The following MTUS2 variants were observed in gnomAD, a reference collection of about 807,000 sequenced individuals.
The protein encoded by MTUS2 is microtubule associated scaffold protein 2.
In MTUS2, 40 loss-of-function variants were observed where a neutral mutation model predicts 114.1. That is an observed-to-expected ratio of 0.35 (90% confidence interval 0.27 to 0.46). The LOEUF is 0.46. MTUS2 is among the 20% of genes least tolerant of loss of function. The pLI, the probability that MTUS2 is intolerant of heterozygous loss-of-function variation, is 1.00. For synonymous variants in MTUS2, 688 were observed against 672.0 expected, an observed-to-expected ratio of 1.02 and a Z score of -0.37; for missense variants, 1,679 against 1,705.4, an observed-to-expected ratio of 0.98 and a Z score of 0.27.
chr13:28,886,312 C>A (rs550164975), intron 2 of MTUS2, among the ~76,000 whole-genome samples: 1 of 152,048 alleles, frequency 6.6e-6, no homozygotes, highest in African/African-American at 2.4e-5. Flanking sequence ...TGGAAGGGGG[C>A]CAGCAGGGGA....
Position 28,928,336 on chromosome 13 carries a change from A to G in MTUS2, c.-243+88486A>G, listed in dbSNP as rs73437298. The stretch of plus-strand genomic sequence containing the variant: ...ATACATAACCCCCAGAATGGGAGAA[A>G]ATATTTGCAAATTACCCACTTGACA... On this transcript the variant is annotated intron_variant, in intron 2 of 15. Transcript: ENST00000612955. 7.5e-3 allele frequency among the ~76,000 whole-genome samples: 1,141 copies of G among 152,348 alleles called. 18 individuals carry two copies. Among genetic ancestry groups the G allele is most frequent in the African/African-American group, 0.026 (1,065 of 41,580 alleles).
At chr13:29,249,293 C>T (rs1280322676) in intron 5 of MTUS2, among the ~76,000 whole-genome samples, 5 of 152,066 alleles carry the variant, frequency 3.3e-5, no homozygotes, top group Admixed American at 6.6e-5. Context: ...CCAGCCAAAA[C>T]GAATGATTTA....
At chr13:29,018,155 G>GT (rs1886144353) in intron 2 of MTUS2, among the ~76,000 whole-genome samples, 1 of 152,176 alleles carries the variant, frequency 6.6e-6, no homozygotes, top group Non-Finnish European at 1.5e-5. Flanking sequence ...CAGCTCTTGG[G>GT]TAGGAGGATG....
At chr13:29,281,417 G>A (rs1898260760) in intron 5 of MTUS2, among the ~76,000 whole-genome samples, 2 of 135,166 alleles carry the variant, frequency 1.5e-5, no homozygotes, top group Non-Finnish European at 3.2e-5. Flanking sequence ...ATGTATGTAT[G>A]TCTGTGTGTG....
intron 5 of MTUS2, among the ~76,000 whole-genome samples, chr13:29,246,777 A>T (rs960901610): frequency 6.6e-6 from 1 of 152,188 alleles, no homozygotes; most frequent in South Asian, 2.1e-4. Flanking sequence ...AAATGGAAAC[A>T]CATCCCATGT....
At chr13:29,054,975 C>T (rs1053922439) in intron 4 of MTUS2, among the ~76,000 whole-genome samples, 3 of 151,844 alleles carry the variant, frequency 2.0e-5, no homozygotes, top group Non-Finnish European at 4.4e-5. Flanking sequence ...CTTATTGTGG[C>T]TTCTATTTTA....
chr13:29,376,720 G>A (rs117678173), intron 8 of MTUS2, among the ~76,000 whole-genome samples: 4 of 152,192 alleles, frequency 2.6e-5, no homozygotes, highest in Non-Finnish European at 4.4e-5. Context: ...GCAGAGTTTT[G>A]TAAAATGTTA....
intron 4 of MTUS2, among the ~76,000 whole-genome samples, chr13:29,040,531 C>T (rs758242900): frequency 1.1e-4 from 17 of 152,178 alleles, no homozygotes; most frequent in Non-Finnish European, 1.9e-4. Flanking sequence ...TTTAAGGAGT[C>T]TCCACACTGC....
At chr13:29,167,355 A>C (rs1311031164) in intron 5 of MTUS2, among the ~76,000 whole-genome samples, 1 of 151,662 alleles carries the variant, frequency 6.6e-6, no homozygotes, top group Non-Finnish European at 1.5e-5. Flanking sequence ...AGCCTGGGCG[A>C]CAGAGCAAGA....
chr13:28,944,110 A>G (rs1882388974), intron 2 of MTUS2, among the ~76,000 whole-genome samples: 1 of 151,922 alleles, frequency 6.6e-6, no homozygotes, highest in Non-Finnish European at 1.5e-5. Flanking sequence ...TTTAATATAT[A>G]ATATACATAT....
At chr13:29,392,131 AAAAAAAAAACAAACC>A (rs1463053529) in intron 8 of MTUS2, among the ~76,000 whole-genome samples, 1 of 71,200 alleles carries the variant, frequency 1.4e-5, no homozygotes, top group African/African-American at 4.1e-5. Context: ...CTGTCTCAAA[AAAAAAAAAACAAACC>A]AAAAAAAAAA....
At chr13:28,851,332 C>T (rs1418869241) in intron 2 of MTUS2, among the ~76,000 whole-genome samples, 1 of 152,176 alleles carries the variant, frequency 6.6e-6, no homozygotes, top group Non-Finnish European at 1.5e-5. Flanking sequence ...TACATTTGTC[C>T]ATTGACCGTG....
chr13:28,879,458 T>TG (rs999313869), intron 2 of MTUS2, among the ~76,000 whole-genome samples: 4 of 151,992 alleles, frequency 2.6e-5, no homozygotes, highest in East Asian at 1.9e-4. Context: ...CAGGGCCTGG[T>TG]GGGGGGGCTC....
At chr13:29,016,292 C>T (rs1886063237) in intron 2 of MTUS2, among the ~76,000 whole-genome samples, 1 of 150,974 alleles carries the variant, frequency 6.6e-6, no homozygotes, top group Non-Finnish European at 1.5e-5. Flanking sequence ...AAACATTAAG[C>T]ACAATAGGCA....
intron 8 of MTUS2, among the ~76,000 whole-genome samples, chr13:29,437,122 G>A (rs9578099): frequency 1.3e-5 from 2 of 152,114 alleles, no homozygotes; most frequent in Non-Finnish European, 2.9e-5. Flanking sequence ...CTCTGATAAC[G>A]TCCAGCAGGG....
intron 5 of MTUS2, among the ~76,000 whole-genome samples, chr13:29,264,743 T>A (rs1897605139): frequency 2.0e-5 from 3 of 152,280 alleles, no homozygotes; most frequent in Admixed American, 6.5e-5. Context: ...GGAGCCACAG[T>A]GATTGGGATG....
chr13:29,083,311 A>T (rs1889528756), intron 4 of MTUS2, among the ~76,000 whole-genome samples: 1 of 152,224 alleles, frequency 6.6e-6, no homozygotes, highest in Non-Finnish European at 1.5e-5. Flanking sequence ...AGAGAATGTC[A>T]TCAATATAAT....
intron 5 of MTUS2, among the ~76,000 whole-genome samples, chr13:29,201,526 A>T (rs574277087): frequency 6.6e-6 from 1 of 152,122 alleles, no homozygotes; most frequent in African/African-American, 2.4e-5. Flanking sequence ...TAATATGGTT[A>T]TGTGTGAATT....
At chr13:28,935,224 C>G (rs1881840668) in intron 2 of MTUS2, among the ~76,000 whole-genome samples, 1 of 151,996 alleles carries the variant, frequency 6.6e-6, no homozygotes, top group Non-Finnish European at 1.5e-5. Flanking sequence ...CGGGTTGTTT[C>G]TAGGTTTTTC....
Sources: gnomAD v4.1 joint callset for allele counts (sites outside exome capture counted in the v4.1 genomes callset) on GRCh38, gnomAD v4.1.1 for gene constraint, MANE v1.5 for transcripts, NCBI Gene and HGNC (gene_info 2026-07-23, HGNC 2026-07-21) for gene names.